The following PTPRM variants were observed in gnomAD, a reference collection of about 807,000 sequenced individuals.
PTPRM encodes the protein receptor-type tyrosine-protein phosphatase mu.
Under a neutral mutation model 186.7 loss-of-function variants are expected in PTPRM, and 47 were observed. The observed-to-expected ratio is 0.25, with a 90% CI of 0.20 to 0.32. The LOEUF is 0.32. Ranked by LOEUF, PTPRM falls within the 10% of genes least tolerant of loss-of-function variation. The pLI is 1.00. For missense variants in PTPRM, 1,494 were observed against 1,865.0 expected (o/e 0.80, Z 3.66); for synonymous variants, 668 against 674.9 (o/e 0.99, Z 0.16).
At chr18:7,623,692 G>A (rs954624921) in intron 1 of PTPRM, among the ~76,000 whole-genome samples, 17 of 151,892 alleles carry the variant, frequency 1.1e-4, no homozygotes, top group African/African-American at 4.1e-4. Flanking sequence ...TTTTTTATGA[G>A]GCTTAACAGT....
intron 1 of PTPRM, among the ~76,000 whole-genome samples, chr18:7,749,826 A>ACTCCACTTAAAAAC (rs2041126575): frequency 6.6e-6 from 1 of 152,222 alleles, no homozygotes; most frequent in South Asian, 2.1e-4. Context: ...TCTGGAGTTA[A>ACTCCACTTAAAAAC]GCAATTGTGT....
intron 1 of PTPRM, among the ~76,000 whole-genome samples, chr18:7,706,456 A>T (rs2040091005): frequency 6.6e-6 from 1 of 151,776 alleles, no homozygotes. Flanking sequence ...AAAATTAGCC[A>T]AGAGTGGTGG....
intron 13 of PTPRM, among the ~76,000 whole-genome samples, chr18:8,123,167 G>A (rs948883973): frequency 6.6e-6 from 1 of 152,212 alleles, no homozygotes; most frequent in Admixed American, 6.5e-5. Context: ...GCAAAGGCAA[G>A]TCATTGTCAA....
intron 14 of PTPRM, among the ~76,000 whole-genome samples, chr18:8,190,699 G>A (rs2093698817): frequency 6.6e-6 from 1 of 152,124 alleles, no homozygotes; most frequent in South Asian, 2.1e-4. Context: ...AGATAAGTTA[G>A]ATTTCAAATA....
At chr18:7,683,227 G>A (rs1208095267) in intron 1 of PTPRM, among the ~76,000 whole-genome samples, 1 of 148,700 alleles carries the variant, frequency 6.7e-6, no homozygotes, top group African/African-American at 2.5e-5. Context: ...GTACAGTGGT[G>A]CAATCATGCC....
intron 7 of PTPRM, among the ~76,000 whole-genome samples, chr18:8,027,124 G>A (rs1226244860): frequency 6.6e-6 from 1 of 152,090 alleles, no homozygotes; most frequent in Non-Finnish European, 1.5e-5. Context: ...ATTTCCCCAA[G>A]TTTGAAAATA....
At chr18:7,953,803 C>T (rs953631514) in intron 6 of PTPRM, among the ~76,000 whole-genome samples, 4 of 152,056 alleles carry the variant, frequency 2.6e-5, no homozygotes, top group East Asian at 1.9e-4. Flanking sequence ...TGGCTGTGAT[C>T]GATTAGCTAT....
chr18:8,284,270 A>G (rs1034213188), intron 19 of PTPRM, among the ~76,000 whole-genome samples: 1 of 152,220 alleles, frequency 6.6e-6, no homozygotes, highest in Non-Finnish European at 1.5e-5. Flanking sequence ...GTTTAATCCC[A>G]AACCTTGTAG....
intron 1 of PTPRM, among the ~76,000 whole-genome samples, chr18:7,718,907 T>C (rs1014803679): frequency 5.9e-5 from 9 of 152,142 alleles, no homozygotes; most frequent in Admixed American, 3.3e-4. Flanking sequence ...TAGATGTTGG[T>C]ATGGTTGTGA....
chr18:7,799,773 C>G (rs1212385749), intron 2 of PTPRM, among the ~76,000 whole-genome samples: 2 of 152,056 alleles, frequency 1.3e-5, no homozygotes, highest in Non-Finnish European at 2.9e-5. Flanking sequence ...ATGTATCTTC[C>G]TGCCTTGTTA....
intron 6 of PTPRM, 130 bp from the exon 7 acceptor site, chr18:7,954,991 A>G (rs1199390060): frequency 9.8e-7 from 1 of 1,018,286 alleles, no homozygotes; most frequent in East Asian, 2.6e-5. Context: ...GTTAACCCAA[A>G]CAAAATTTTT....
intron 1 of PTPRM, among the ~76,000 whole-genome samples, chr18:7,747,362 A>G (rs1430538405): frequency 6.6e-6 from 1 of 152,170 alleles, no homozygotes; most frequent in Non-Finnish European, 1.5e-5. Context: ...GGGAGCCTCC[A>G]TGAGCTCCTG....
In PTPRM at chr18:8,234,450, C is replaced by T. The variant is rs539129792; in HGVS notation, c.2301-9608C>T. On this transcript the variant is annotated intron_variant, in intron 14 of 32. Transcript: ENST00000580170. ...AACCTGGTATCCTGCAACCTTGCTA[C>T]ATTTGCTTATTAGTACTAGGAGCTA... Among the ~76,000 whole-genome samples, 4 of 152,262 alleles carry T rather than the reference C, an allele frequency of 2.6e-5. No individual in the cohort carries two copies. The South Asian group carries it at 6.2e-4, about 24-fold the overall frequency.
At chr18:7,717,656 A>G (rs1380627749) in intron 1 of PTPRM, among the ~76,000 whole-genome samples, 2 of 152,242 alleles carry the variant, frequency 1.3e-5, no homozygotes, top group African/African-American at 2.4e-5. Context: ...CACTTAAGTC[A>G]TCTGTGGACA....
At chr18:8,310,487 A>G (rs781719717) in intron 20 of PTPRM, among the ~76,000 whole-genome samples, 3 of 147,934 alleles carry the variant, frequency 2.0e-5, no homozygotes, top group African/African-American at 7.5e-5. Context: ...TCCTGAACAT[A>G]CTAGATCCTT....
chr18:8,276,664 C>T (rs1412618321), intron 19 of PTPRM, among the ~76,000 whole-genome samples: 1 of 152,212 alleles, frequency 6.6e-6, no homozygotes. Context: ...ATATCTGTGT[C>T]ACCACGCTCA....
chr18:8,200,509 T>A (rs370209802), intron 14 of PTPRM, among the ~76,000 whole-genome samples: 414 of 152,350 alleles, frequency 2.7e-3, no homozygotes, highest in African/African-American at 9.4e-3. Flanking sequence ...CAGTTGTTCT[T>A]TCTTGAATGT....
At chr18:8,089,608 T>G (rs568056083) in intron 11 of PTPRM, among the ~76,000 whole-genome samples, 1 of 152,318 alleles carries the variant, frequency 6.6e-6, no homozygotes, top group South Asian at 2.1e-4. Flanking sequence ...TTGGAATAGT[T>G]TCCCTTCAGA....
At chr18:8,086,062 T>C (rs2090416563) in intron 10 of PTPRM, among the ~76,000 whole-genome samples, 190 bp downstream of exon 10, 1 of 152,156 alleles carries the variant, frequency 6.6e-6, no homozygotes, top group Non-Finnish European at 1.5e-5. Flanking sequence ...GAGCTTAAGA[T>C]CCTCACATGT....
Sources: allele counts gnomAD v4.1 joint callset (sites outside exome capture counted in the v4.1 genomes callset), GRCh38; gene constraint gnomAD v4.1.1; transcripts MANE v1.5; gene names NCBI Gene and HGNC (gene_info 2026-07-23, HGNC 2026-07-21).